The following HACD2 variants were observed in gnomAD, a reference collection of about 807,000 sequenced individuals.
The protein encoded by HACD2 is very-long-chain (3R)-3-hydroxyacyl-CoA dehydratase 2.
A neutral mutation model predicts 31.0 loss-of-function variants in HACD2; 15 were observed. The ratio of observed to expected loss-of-function variants is 0.48; its 90% CI spans 0.32 to 0.75. The LOEUF (loss-of-function observed/expected upper bound fraction) is 0.75. HACD2 is among the 30% of genes least tolerant of loss of function. HACD2 has a pLI of 0.03. For synonymous variants in HACD2, 115 were observed against 122.2 expected (o/e 0.94, Z 0.39); for missense variants, 283 against 313.0 (o/e 0.90, Z 0.72).
intron 4 of HACD2, among the ~76,000 whole-genome samples, chr3:123,516,929 A>C (rs888986010): frequency 6.6e-6 from 1 of 152,214 alleles, no homozygotes; most frequent in African/African-American, 2.4e-5. Context: ...CTCTGGAATC[A>C]AACAGATCTC....
chr3:123,497,626 C>A (rs2055850092), intron 6 of HACD2, among the ~76,000 whole-genome samples: 1 of 152,200 alleles, frequency 6.6e-6, no homozygotes. Flanking sequence ...CCACCATAAC[C>A]AATTTTCACC....
chr3:123,557,784 C>T (rs895272457), intron 3 of HACD2, among the ~76,000 whole-genome samples: 34 of 152,194 alleles, frequency 2.2e-4, no homozygotes, highest in African/African-American at 6.8e-4. Context: ...CAATACCAAA[C>T]GCAGCAGAGG....
intron 4 of HACD2, among the ~76,000 whole-genome samples, chr3:123,513,063 A>T (rs2056084447): frequency 6.6e-6 from 1 of 152,096 alleles, no homozygotes; most frequent in African/African-American, 2.4e-5. Flanking sequence ...GTGCCAGATC[A>T]TAAGGAAATA....
In HACD2 at chr3:123,517,925, G is replaced by T; in HGVS notation, c.381+10461C>A. ...AAAAATATTTGGGCCGGGCGCGGTG[G>T]CTCACGCCTGTAATCCCAGCACTTT... On this transcript the variant is annotated intron_variant, in intron 4 of 6. Transcript: ENST00000383657. 1.2e-3 allele frequency among the ~76,000 whole-genome samples: 2 copies of T among 1,654 alleles called. 1 individual carries two copies. The highest frequency in any genetic ancestry group is 0.053 in the Non-Finnish European group (2 of 38). 1.1% of individuals were successfully genotyped at this position (1,654 alleles called of 152,430 possible).
At chr3:123,508,602 C>A (rs910158561) in intron 4 of HACD2, among the ~76,000 whole-genome samples, 1 of 152,150 alleles carries the variant, frequency 6.6e-6, no homozygotes, top group Non-Finnish European at 1.5e-5. Context: ...CTGCTTACTG[C>A]GCTGGTTATT....
At chr3:123,577,825 A>G (rs2056923891) in intron 2 of HACD2, among the ~76,000 whole-genome samples, 1 of 152,220 alleles carries the variant, frequency 6.6e-6, no homozygotes, top group African/African-American at 2.4e-5. Flanking sequence ...CCAAAAATGA[A>G]TAAAGTAGAA....
chr3:123,584,343 A>T (rs1387585483), intron 1 of HACD2: 1 of 152,348 alleles, frequency 6.6e-6, no homozygotes, highest in East Asian at 1.9e-4. Flanking sequence ...GTCTAAACTC[A>T]TCTAAAGCCT....
intron 4 of HACD2, among the ~76,000 whole-genome samples, chr3:123,524,064 T>A (rs564792665): frequency 6.6e-6 from 1 of 152,342 alleles, no homozygotes; most frequent in African/African-American, 2.4e-5. Context: ...TCTTCAAGAA[T>A]GAAACAATGG....
intron 2 of HACD2, among the ~76,000 whole-genome samples, chr3:123,572,712 T>C (rs1416561199): frequency 6.6e-6 from 1 of 151,658 alleles, no homozygotes; most frequent in Non-Finnish European, 1.5e-5. Context: ...CCAACAATTC[T>C]GTTCAATTTC....
intron 3 of HACD2, among the ~76,000 whole-genome samples, chr3:123,561,968 T>C (rs1576229670): frequency 1.3e-5 from 2 of 152,092 alleles, no homozygotes; most frequent in Non-Finnish European, 2.9e-5. Context: ...CCTGCCACCA[T>C]GTCCAGCTAA....
chr3:123,512,277 T>C (rs2056072867), intron 4 of HACD2, among the ~76,000 whole-genome samples: 1 of 151,696 alleles, frequency 6.6e-6, no homozygotes, highest in Non-Finnish European at 1.5e-5. Flanking sequence ...CAATTCAAAA[T>C]GAAAAGAAAC....
At chr3:123,498,477 TGA>T (rs2055862520) in intron 6 of HACD2, among the ~76,000 whole-genome samples, 2 of 152,156 alleles carry the variant, frequency 1.3e-5, no homozygotes, top group African/African-American at 4.8e-5. Context: ...GGTGGGCAAA[TGA>T]GCATTACTGC....
chr3:123,517,021 C>T (rs946131105), intron 4 of HACD2, among the ~76,000 whole-genome samples: 1 of 152,118 alleles, frequency 6.6e-6, no homozygotes, highest in Non-Finnish European at 1.5e-5. Context: ...CTGGAGAGGT[C>T]AGAAAAACAT....
At chr3:123,523,546 AG>A (rs1232113015) in intron 4 of HACD2, among the ~76,000 whole-genome samples, 1 of 152,222 alleles carries the variant, frequency 6.6e-6, no homozygotes, top group African/African-American at 2.4e-5. Context: ...TCCTGTCACA[AG>A]GTAAATGTTA....
At chr3:123,584,597 C>T (rs988932023) in intron 1 of HACD2, 23 of 285,136 alleles carry the variant, frequency 8.1e-5, no homozygotes, top group Non-Finnish European at 1.2e-4. Flanking sequence ...ACCTTTCCTC[C>T]CGCGGCCCTC....
At chr3:123,530,664 C>G (rs908889934) in intron 3 of HACD2, among the ~76,000 whole-genome samples, 7 of 152,054 alleles carry the variant, frequency 4.6e-5, no homozygotes, top group African/African-American at 1.7e-4. Context: ...GCCTTGGCCT[C>G]CCAAAGTGCT....
chr3:123,496,175 C>T (rs115525119), intron 6 of HACD2, among the ~76,000 whole-genome samples: 3,788 of 152,176 alleles, frequency 0.025, 157 homozygotes, highest in African/African-American at 0.083. Context: ...AGGTGCACAC[C>T]ACTTCACACC....
At chr3:123,516,856 G>C (rs1382210941) in intron 4 of HACD2, among the ~76,000 whole-genome samples, 1 of 152,170 alleles carries the variant, frequency 6.6e-6, no homozygotes, top group Admixed American at 6.5e-5. Context: ...ATGAAGAAAG[G>C]ATGGTCGGTA....
chr3:123,565,028 G>A (rs1001591537), intron 3 of HACD2, among the ~76,000 whole-genome samples: 1 of 152,122 alleles, frequency 6.6e-6, no homozygotes, highest in African/African-American at 2.4e-5. Context: ...GAACTCAGGG[G>A]ATGCCCATCT....
Sources: gnomAD v4.1 joint callset for allele counts (sites outside exome capture counted in the v4.1 genomes callset) on GRCh38, gnomAD v4.1.1 for gene constraint, MANE v1.5 for transcripts, NCBI Gene and HGNC (gene_info 2026-07-23, HGNC 2026-07-21) for gene names.